BRINP3: variants seen among roughly 807,000 people sequenced by gnomAD.
BRINP3 encodes the protein BMP/retinoic acid inducible neural specific 3, also known as BMP/retinoic acid-inducible neural-specific protein 3.
Under a neutral mutation model 71.0 loss-of-function variants are expected in BRINP3, and 19 were observed. That is an observed-to-expected ratio of 0.27 (90% CI 0.19 to 0.39). The LOEUF is 0.39. Ranked by LOEUF, BRINP3 falls within the 10% of genes least tolerant of loss-of-function variation. The pLI is 1.00. For synonymous variants in BRINP3, 380 were observed against 337.7 expected (o/e 1.13, Z -1.37); for missense variants, 959 against 940.8 (o/e 1.02, Z -0.25).
In BRINP3 at chr1:190,211,963, T is replaced by C. The variant is rs529940372; in HGVS notation, c.961+14119A>G. Among the ~76,000 whole-genome samples the C allele has an allele frequency of 2.0e-4, 30 of 152,182 alleles. No homozygotes were observed. In the South Asian group the frequency reaches 4.8e-3, roughly 24 times the overall value. ...AAATCAAACTGGTTTTGCATAACAA[T>C]CTTGGAGCTAAATACCCTCCCTGGT... On this transcript the variant is annotated intron_variant, in intron 6 of 7. Coordinates refer to ENST00000367462, the MANE Select transcript of BRINP3 (RefSeq NM_199051.3).
chr1:190,159,588 A>G (rs1412688211), intron 7 of BRINP3, among the ~76,000 whole-genome samples: 2 of 152,076 alleles, frequency 1.3e-5, no homozygotes, highest in Non-Finnish European at 2.9e-5. Context: ...AAGGCCATAT[A>G]TTGTACGATC....
chr1:190,296,805 T>C (rs1317347690), intron 2 of BRINP3, among the ~76,000 whole-genome samples: 2 of 151,932 alleles, frequency 1.3e-5, no homozygotes, highest in African/African-American at 2.4e-5. Flanking sequence ...CCATTTGCGA[T>C]AGCATAAAAA....
intron 2 of BRINP3, among the ~76,000 whole-genome samples, chr1:190,308,924 C>G (rs1665319353): frequency 6.6e-6 from 1 of 151,794 alleles, no homozygotes; most frequent in African/African-American, 2.4e-5. Flanking sequence ...ACCATATGAT[C>G]CAGCAATTCC....
intron 7 of BRINP3, among the ~76,000 whole-genome samples, chr1:190,132,236 T>C (rs1240225621): frequency 1.3e-5 from 2 of 152,088 alleles, no homozygotes; most frequent in Non-Finnish European, 2.9e-5. Flanking sequence ...ACCTAGAAAC[T>C]ACCTAATCAA....
intron 2 of BRINP3, among the ~76,000 whole-genome samples, chr1:190,326,042 T>C (rs185878849): frequency 6.6e-6 from 1 of 152,130 alleles, no homozygotes; most frequent in East Asian, 1.9e-4. Context: ...AAGAAACTTC[T>C]AAAGTAATCC....
chr1:190,100,895 G>A (rs917791435), intron 7 of BRINP3, among the ~76,000 whole-genome samples: 47 of 152,150 alleles, frequency 3.1e-4, no homozygotes, highest in African/African-American at 1.1e-3. Context: ...CAGTGATATT[G>A]TGAGGTGGTA....
At chr1:190,188,143 G>A (rs1189695351) in intron 6 of BRINP3, among the ~76,000 whole-genome samples, 1 of 151,910 alleles carries the variant, frequency 6.6e-6, no homozygotes, top group Non-Finnish European at 1.5e-5. Context: ...TTGTAAATGT[G>A]ATTTTTAAAA....
intron 7 of BRINP3, among the ~76,000 whole-genome samples, chr1:190,120,414 T>C (rs1653538158): frequency 6.6e-6 from 1 of 152,190 alleles, no homozygotes; most frequent in Non-Finnish European, 1.5e-5. Context: ...ATTAATATTG[T>C]CATATAACTA....
chr1:190,295,981 C>A (rs1052480726), intron 2 of BRINP3, among the ~76,000 whole-genome samples: 5 of 151,256 alleles, frequency 3.3e-5, no homozygotes, highest in African/African-American at 4.9e-5. Flanking sequence ...TGCAAGGTAA[C>A]AATCACTGGG....
chr1:190,455,517 G>A (rs1204404517), intron 1 of BRINP3, among the ~76,000 whole-genome samples: 1 of 152,084 alleles, frequency 6.6e-6, no homozygotes, highest in East Asian at 1.9e-4. Flanking sequence ...CAGACACAGA[G>A]TGAGACAGAG....
chr1:190,177,439 A>G (rs774633552), intron 6 of BRINP3, among the ~76,000 whole-genome samples: 24 of 150,672 alleles, frequency 1.6e-4, no homozygotes, highest in Non-Finnish European at 2.2e-4. Context: ...CGGCCTCCCA[A>G]AGTGCTAGGA....
chr1:190,352,326 T>C (rs1272431483), intron 2 of BRINP3, among the ~76,000 whole-genome samples: 1 of 152,034 alleles, frequency 6.6e-6, no homozygotes, highest in African/African-American at 2.4e-5. Flanking sequence ...TGGGGGAAGC[T>C]TAGAAATATG....
chr1:190,280,775 A>T (rs1474764329), intron 3 of BRINP3, among the ~76,000 whole-genome samples: 1 of 151,954 alleles, frequency 6.6e-6, no homozygotes, highest in Non-Finnish European at 1.5e-5. Flanking sequence ...TATAAGAAAA[A>T]GTAACATCTA....
rs1571566807 is a variant in BRINP3 at position 190,265,165 on chromosome 1, A to G, written c.428-110T>C. 4 of 960,880 alleles carry G rather than the reference A, an allele frequency of 4.2e-6. No homozygotes were observed. In the East Asian group the frequency reaches 9.0e-5, roughly 22 times the overall value. 59.5% of individuals were successfully genotyped at this position (960,880 alleles called of 1,614,324 possible). A position where few individuals can be genotyped will look rare whatever the true frequency, so the allele number is the denominator to read the frequency against. ...ATGAATATAGTAAAACAAAGGAGTGATATATGCCAAAAGGGCAAGGGGTTT... is the reference window on the plus strand; with the variant it reads ...ATGAATATAGTAAAACAAAGGAGTGGTATATGCCAAAAGGGCAAGGGGTTT... On this transcript the variant is annotated intron_variant, in intron 3 of 7. Coordinates refer to ENST00000367462, the MANE Select transcript of BRINP3 (RefSeq NM_199051.3).
At chr1:190,389,935 G>T (rs918763008) in intron 2 of BRINP3, among the ~76,000 whole-genome samples, 1 of 151,772 alleles carries the variant, frequency 6.6e-6, no homozygotes, top group African/African-American at 2.4e-5. Context: ...AAAGTCCAGA[G>T]AAATTGGCAG....
At chr1:190,277,119 T>TA (rs1401150849) in intron 3 of BRINP3, among the ~76,000 whole-genome samples, 4 of 26,956 alleles carry the variant, frequency 1.5e-4, no homozygotes, top group Non-Finnish European at 3.7e-4. Context: ...ATATATATAT[T>TA]TATATTCAGA....
chr1:190,164,175 G>A (rs772871641), intron 6 of BRINP3, among the ~76,000 whole-genome samples: 5 of 152,068 alleles, frequency 3.3e-5, no homozygotes, highest in Non-Finnish European at 1.5e-5. Flanking sequence ...TTTGACCAAT[G>A]CAGTTAATTG....
At chr1:190,456,937 C>T (rs544098969) in intron 1 of BRINP3, among the ~76,000 whole-genome samples, 1 of 152,114 alleles carries the variant, frequency 6.6e-6, no homozygotes, top group African/African-American at 2.4e-5. Flanking sequence ...CTCTTATTAA[C>T]AAATGTAGAT....
At chr1:190,331,869 C>A (rs980687393) in intron 2 of BRINP3, among the ~76,000 whole-genome samples, 3 of 151,960 alleles carry the variant, frequency 2.0e-5, no homozygotes, top group Admixed American at 6.6e-5. Context: ...AGGCTCTTTC[C>A]ATTTTATAGA....
Sources: allele counts gnomAD v4.1 joint callset (sites outside exome capture counted in the v4.1 genomes callset), GRCh38; gene constraint gnomAD v4.1.1; transcripts MANE v1.5; gene names NCBI Gene and HGNC (gene_info 2026-07-23, HGNC 2026-07-21).